The following MSRA variants were observed in gnomAD, a reference collection of about 807,000 sequenced individuals.
MSRA encodes the protein methionine sulfoxide reductase A.
Under a neutral mutation model 31.3 loss-of-function variants are expected in MSRA, and 54 were observed. The ratio of observed to expected loss-of-function variants is 1.73; its 90% CI spans 1.39 to 2.17. The LOEUF (loss-of-function observed/expected upper bound fraction) is 2.17, where lower values mean the gene tolerates loss of function less well. Among genes scored for constraint, MSRA ranks in the 30% most tolerant of loss-of-function variants. The pLI is 0.00. For missense variants in MSRA, 507 were observed against 300.9 expected, an observed-to-expected ratio of 1.69 and a Z score of -5.07; for synonymous variants, 169 against 116.5, an observed-to-expected ratio of 1.45 and a Z score of -2.90.
At chr8:10,217,961 A>C (rs2129065542) in intron 2 of MSRA, among the ~76,000 whole-genome samples, 1 of 152,202 alleles carries the variant, frequency 6.6e-6, no homozygotes, top group East Asian at 1.9e-4. Flanking sequence ...GAAATTAAAT[A>C]ATTCAGCCTG....
At chr8:10,173,378 G>C (rs1402836176) in intron 1 of MSRA, among the ~76,000 whole-genome samples, 1 of 152,226 alleles carries the variant, frequency 6.6e-6, no homozygotes, top group Non-Finnish European at 1.5e-5. Flanking sequence ...GTGAAGACCA[G>C]ACAAATCGAA....
intron 1 of MSRA, among the ~76,000 whole-genome samples, chr8:10,190,496 C>A (rs577872896): frequency 8.5e-5 from 13 of 152,344 alleles, no homozygotes; most frequent in Admixed American, 6.5e-4. Context: ...GTCTCCAGAT[C>A]AGCTCTGGCC....
At chr8:10,229,017 A>C (rs1403560929) in intron 2 of MSRA, among the ~76,000 whole-genome samples, 1 of 152,238 alleles carries the variant, frequency 6.6e-6, no homozygotes, top group East Asian at 1.9e-4. Context: ...AGACGAAAAA[A>C]GATCTTGATT....
In MSRA at chr8:10,224,906, C is replaced by T. The variant is rs574816830; in HGVS notation, c.211+17005C>T. Among the ~76,000 whole-genome samples the T allele has an allele frequency of 3.9e-5, 6 of 152,248 alleles. No homozygotes were observed. In the South Asian group the frequency reaches 1.0e-3, roughly 26 times the overall value. ...TGGGCTCACACCTGTAATGCCAGTA[C>T]TTTGGGAGGATCACCTGAGGTCAGG... is the stretch of plus-strand genomic sequence containing the variant. On this transcript the variant is annotated intron_variant, in intron 2 of 5. Transcript: ENST00000317173.
At chr8:10,396,873 C>G (rs142188040) in intron 5 of MSRA, among the ~76,000 whole-genome samples, 73 of 152,352 alleles carry the variant, frequency 4.8e-4, no homozygotes, top group African/African-American at 1.6e-3. Context: ...CTGAGCCTCC[C>G]AGCCAGAATT....
chr8:10,117,584 A>G (rs1404200530), intron 1 of MSRA, among the ~76,000 whole-genome samples: 1 of 152,228 alleles, frequency 6.6e-6, no homozygotes, highest in Non-Finnish European at 1.5e-5. Flanking sequence ...TCTTTTACAA[A>G]TCAAATTAAG....
chr8:10,087,495 G>A (rs998972238), intron 1 of MSRA, among the ~76,000 whole-genome samples: 1 of 152,214 alleles, frequency 6.6e-6, no homozygotes, highest in Non-Finnish European at 1.5e-5. Flanking sequence ...GGAAAGCAGG[G>A]AAAGGAGACC....
At chr8:10,077,205 T>G (rs1335926657) in intron 1 of MSRA, among the ~76,000 whole-genome samples, 3 of 152,132 alleles carry the variant, frequency 2.0e-5, no homozygotes, top group African/African-American at 7.2e-5. Flanking sequence ...ACCAAAAGCT[T>G]TTGCCAACAA....
chr8:10,094,012 G>C lies in MSRA; in HGVS notation c.142+39354G>C, dbSNP rs373445679. On this transcript the variant is annotated intron_variant, in intron 1 of 5. Coordinates refer to ENST00000317173, the MANE Select transcript of MSRA (RefSeq NM_012331.5). ...GAGGATTCCTTGCACGTGATGAGTC[G>C]CTTCTCCAATGCTGCTTTCAAGATT... 9.2e-5 allele frequency among the ~76,000 whole-genome samples: 14 copies of C among 152,128 alleles called. 1 individual carries two copies. In the East Asian group the frequency reaches 2.1e-3, roughly 23 times the overall value.
At chr8:10,354,362 C>T (rs993129768) in intron 5 of MSRA, among the ~76,000 whole-genome samples, 12 of 152,102 alleles carry the variant, frequency 7.9e-5, no homozygotes, top group South Asian at 4.1e-4. Context: ...CACACAAATG[C>T]GAGGACACAA....
intron 1 of MSRA, among the ~76,000 whole-genome samples, chr8:10,071,040 C>A (rs1010588365): frequency 5.9e-5 from 9 of 152,182 alleles, no homozygotes; most frequent in Admixed American, 5.2e-4. Context: ...TGGGCACTTA[C>A]ATGTGATAAT....
intron 1 of MSRA, among the ~76,000 whole-genome samples, chr8:10,088,736 AG>A (rs1383732648): frequency 6.6e-6 from 1 of 152,054 alleles, no homozygotes; most frequent in African/African-American, 2.4e-5. Flanking sequence ...ACTTCATCTC[AG>A]AAAAAAAAAG....
chr8:10,234,187 A>C (rs1208686376), intron 2 of MSRA, among the ~76,000 whole-genome samples: 5 of 152,240 alleles, frequency 3.3e-5, no homozygotes, highest in Admixed American at 3.3e-4. Flanking sequence ...GAATTAAAGG[A>C]GAGACCTGAA....
chr8:10,196,820 C>T (rs187804459), intron 1 of MSRA, among the ~76,000 whole-genome samples: 490 of 152,192 alleles, frequency 3.2e-3, no homozygotes, highest in Non-Finnish European at 6.0e-3. Flanking sequence ...AATCCGTCCA[C>T]CTCGGCCTCC....
intron 2 of MSRA, among the ~76,000 whole-genome samples, chr8:10,240,961 G>T (rs562795494): frequency 6.6e-6 from 1 of 152,158 alleles, no homozygotes; most frequent in Non-Finnish European, 1.5e-5. Flanking sequence ...GGGGGAGTCT[G>T]GCTTCCTATT....
At chr8:10,232,699 T>TA (rs1014165201) in intron 2 of MSRA, among the ~76,000 whole-genome samples, 6 of 152,180 alleles carry the variant, frequency 3.9e-5, no homozygotes, top group African/African-American at 1.4e-4. Flanking sequence ...AATCTCATAA[T>TA]AAAAAATCTC....
chr8:10,080,074 A>G (rs1373793852), intron 1 of MSRA, among the ~76,000 whole-genome samples: 1 of 152,138 alleles, frequency 6.6e-6, no homozygotes, highest in East Asian at 1.9e-4. Flanking sequence ...TCTTTCTTGC[A>G]TGGTCTCACT....
At chr8:10,349,619 G>T (rs556685692) in intron 5 of MSRA, among the ~76,000 whole-genome samples, 19 of 152,362 alleles carry the variant, frequency 1.2e-4, no homozygotes, top group African/African-American at 4.6e-4. Flanking sequence ...CCTCAATGAT[G>T]AGGAAGACCC....
chr8:10,222,693 G>T (rs932292582), intron 2 of MSRA, among the ~76,000 whole-genome samples: 51 of 152,178 alleles, frequency 3.4e-4, no homozygotes, highest in Middle Eastern at 3.2e-3. Flanking sequence ...CAACAGTATT[G>T]ATTAACCTGG....
Sources: gnomAD v4.1 joint callset for allele counts (sites outside exome capture counted in the v4.1 genomes callset) on GRCh38, gnomAD v4.1.1 for gene constraint, MANE v1.5 for transcripts, NCBI Gene and HGNC (gene_info 2026-07-23, HGNC 2026-07-21) for gene names.